The following CCDC171 variants were observed in gnomAD, a reference collection of about 807,000 sequenced individuals.
CCDC171 encodes coiled-coil domain-containing protein 171.
In CCDC171, 177 loss-of-function variants were observed where a neutral mutation model predicts 168.2. That is an observed-to-expected ratio of 1.05 (90% CI 0.93 to 1.19). The LOEUF is 1.19. CCDC171 is among the 50% of genes most tolerant of loss of function. The pLI is 0.00. For missense variants in CCDC171, 1,991 were observed against 1,539.0 expected, an observed-to-expected ratio of 1.29 and a Z score of -4.91; for synonymous variants, 687 against 540.8, an observed-to-expected ratio of 1.27 and a Z score of -3.75.
intron 24 of CCDC171, among the ~76,000 whole-genome samples, chr9:15,892,632 C>T (rs897194836): frequency 6.6e-6 from 1 of 151,966 alleles, no homozygotes; most frequent in Non-Finnish European, 1.5e-5. Context: ...CAAAAATCAC[C>T]AACAACAGGC....
the CCDC171 span, among the ~76,000 whole-genome samples, chr9:16,102,156 C>G: frequency 6.6e-6 from 1 of 152,154 alleles, no homozygotes; most frequent in African/African-American, 2.4e-5. Flanking sequence ...GTAAAGGAAA[C>G]AGATGCACTG....
chr9:15,886,794 A>G (rs2131413971), intron 24 of CCDC171: 1 of 151,966 alleles, frequency 6.6e-6, no homozygotes, highest in African/African-American at 2.4e-5. Context: ...ACCCAGAGGA[A>G]AATTCAGCTT....
At chr9:15,622,593 A>G (rs1050561219) in intron 6 of CCDC171, among the ~76,000 whole-genome samples, 3 of 152,220 alleles carry the variant, frequency 2.0e-5, no homozygotes, top group Non-Finnish European at 4.4e-5. Context: ...TAGATTAGTT[A>G]CTGTGGAGAA....
chr9:15,913,258 T>C (rs200180927), intron 24 of CCDC171, among the ~76,000 whole-genome samples: 4 of 152,114 alleles, frequency 2.6e-5, no homozygotes, highest in African/African-American at 9.7e-5. Context: ...TAGTCTTGGG[T>C]GGGTATATGT....
chr9:15,829,107 A>G (rs1446421814), intron 21 of CCDC171, among the ~76,000 whole-genome samples: 1 of 152,214 alleles, frequency 6.6e-6, no homozygotes, highest in Non-Finnish European at 1.5e-5. Context: ...CCTCACAGCA[A>G]CCTATAGTAT....
chr9:15,581,325 G>T (rs1246352888), intron 4 of CCDC171, among the ~76,000 whole-genome samples: 1 of 152,192 alleles, frequency 6.6e-6, no homozygotes, highest in Non-Finnish European at 1.5e-5. Context: ...TGGATAGGAA[G>T]AATCAATATT....
At chr9:15,682,049 T>C (rs2050075202) in intron 10 of CCDC171, among the ~76,000 whole-genome samples, 1 of 152,088 alleles carries the variant, frequency 6.6e-6, no homozygotes, top group East Asian at 1.9e-4. Flanking sequence ...GTTTAGGTCA[T>C]GTTCATGGTC....
intron 3 of CCDC171, among the ~76,000 whole-genome samples, chr9:15,980,530 A>T (rs1831759131): frequency 6.6e-6 from 1 of 152,074 alleles, no homozygotes; most frequent in Admixed American, 6.6e-5. Flanking sequence ...ATGCTTTATA[A>T]TTAGGGTTTT....
At chr9:15,899,901 T>C (rs1333030154) in intron 24 of CCDC171, among the ~76,000 whole-genome samples, 1 of 152,204 alleles carries the variant, frequency 6.6e-6, no homozygotes, top group East Asian at 1.9e-4. Context: ...GATCACACTT[T>C]TGATTTTGTG....
chr9:15,563,665 A>G (rs188914969), intron 1 of CCDC171, among the ~76,000 whole-genome samples: 2 of 152,230 alleles, frequency 1.3e-5, no homozygotes, highest in East Asian at 3.9e-4. Context: ...TTCCCACATC[A>G]TCTTGGCCAA....
In CCDC171 at chr9:15,912,707, G is replaced by T. The variant is rs533534270; in HGVS notation, c.3601-7563G>T. Among the ~76,000 whole-genome samples the T allele has an allele frequency of 8.5e-5, 13 of 152,238 alleles. No individual in the cohort carries two copies. The East Asian group carries it at 2.3e-3, about 27-fold the overall frequency. On this transcript the variant is annotated intron_variant, in intron 24 of 25. Transcript: ENST00000380701. ...AATAGCTCTTATTATTTTGAGATATGTTCCATCAGTACCTAGTTTATTGAG... is the reference window on the plus strand; with the variant it reads ...AATAGCTCTTATTATTTTGAGATATTTTCCATCAGTACCTAGTTTATTGAG...
intron 21 of CCDC171, among the ~76,000 whole-genome samples, chr9:15,805,841 C>T (rs550395553): frequency 1.4e-4 from 21 of 152,026 alleles, no homozygotes; most frequent in African/African-American, 3.4e-4. Context: ...ATATTGTCAA[C>T]GGGGTATTAA....
chr9:16,024,230 G>A (rs369087175), intron 6 of CCDC171, among the ~76,000 whole-genome samples: 15 of 152,122 alleles, frequency 9.9e-5, no homozygotes, highest in African/African-American at 3.1e-4. Context: ...ATAAATTTAC[G>A]TTGTTTTAAA....
chr9:15,622,396 C>G (rs1310043660), intron 6 of CCDC171, among the ~76,000 whole-genome samples: 1 of 152,142 alleles, frequency 6.6e-6, no homozygotes. Context: ...AAACTAGAAT[C>G]TTTGATAGAG....
rs188971779 is a variant in CCDC171 at position 15,644,593 on chromosome 9, A to T, written c.823-12534A>T. 4.4e-3 allele frequency among the ~76,000 whole-genome samples: 665 copies of T among 152,334 alleles called. 8 individuals are homozygous for T. Among genetic ancestry groups the T allele is most frequent in the African/African-American group, 0.015 (612 of 41,580 alleles). On this transcript the variant is annotated intron_variant, in intron 7 of 25. Transcript: ENST00000380701. ...TTAGCAAACGGAACACCAGGAGATTATATCCCGCACCTGGCTCGGAGAGTC... is the reference window on the plus strand; with the variant it reads ...TTAGCAAACGGAACACCAGGAGATTTTATCCCGCACCTGGCTCGGAGAGTC...
chr9:15,698,461 C>T (rs2051398305), intron 11 of CCDC171, among the ~76,000 whole-genome samples: 1 of 147,928 alleles, frequency 6.8e-6, no homozygotes, highest in African/African-American at 2.5e-5. Context: ...GCGGAGCTTG[C>T]AGTGAGCTGA....
chr9:15,847,232 A>G (rs2060937384), intron 22 of CCDC171, among the ~76,000 whole-genome samples: 1 of 152,072 alleles, frequency 6.6e-6, no homozygotes, highest in Non-Finnish European at 1.5e-5. Flanking sequence ...TGCATATATT[A>G]TTATATACTA....
At chr9:15,591,341 G>A (rs748042921) in intron 4 of CCDC171, 25 bp from the exon 5 acceptor site, 2 of 1,424,146 alleles carry the variant, frequency 1.4e-6, no homozygotes, top group Non-Finnish European at 1.9e-6. Context: ...GGTTGTAAAT[G>A]TACCTATTAT....
intron 11 of CCDC171, among the ~76,000 whole-genome samples, chr9:15,706,050 C>T (rs1009442497): frequency 3.9e-5 from 6 of 152,130 alleles, no homozygotes; most frequent in African/African-American, 1.4e-4. Context: ...ATAGAAATGC[C>T]ATCTTGATTG....
Sources: allele counts gnomAD v4.1 joint callset (sites outside exome capture counted in the v4.1 genomes callset), GRCh38; gene constraint gnomAD v4.1.1; transcripts MANE v1.5; gene names NCBI Gene and HGNC (gene_info 2026-07-23, HGNC 2026-07-21).